The following CCSER1 variants were observed in gnomAD, a reference collection of about 807,000 sequenced individuals.
CCSER1 encodes serine-rich coiled-coil domain-containing protein 1.
In CCSER1, 41 loss-of-function variants were observed where a neutral mutation model predicts 82.0. The ratio of observed to expected loss-of-function variants is 0.50; its 90% CI spans 0.39 to 0.65. The LOEUF is 0.65. Ranked by LOEUF, CCSER1 falls within the 30% of genes least tolerant of loss-of-function variation. The probability of loss-of-function intolerance (pLI) is 0.00; values close to 1 mark genes in which losing one functional copy is unlikely to be tolerated. For synonymous variants in CCSER1, 414 were observed against 383.9 expected, an observed-to-expected ratio of 1.08 and a Z score of -0.92; for missense variants, 1,119 against 1,064.2, an observed-to-expected ratio of 1.05 and a Z score of -0.72.
intron 6 of CCSER1, among the ~76,000 whole-genome samples, chr4:90,630,789 C>T (rs1045957945): frequency 1.3e-5 from 2 of 151,186 alleles, no homozygotes; most frequent in African/African-American, 2.4e-5. Context: ...TTTAGATTAA[C>T]AATATATTTT....
At chr4:90,995,899 G>T (rs994897077) in intron 9 of CCSER1, among the ~76,000 whole-genome samples, 63 of 151,964 alleles carry the variant, frequency 4.1e-4, no homozygotes, top group African/African-American at 1.5e-3. Flanking sequence ...ATGATAATTT[G>T]ATTTAACTAT....
intron 3 of CCSER1, among the ~76,000 whole-genome samples, chr4:90,369,122 C>G (rs1048468404): frequency 4.0e-5 from 6 of 151,216 alleles, no homozygotes; most frequent in African/African-American, 1.5e-4. Flanking sequence ...AGTAAAACCA[C>G]TGGTCTGGCT....
At chr4:90,863,084 C>T (rs946482022) in intron 8 of CCSER1, among the ~76,000 whole-genome samples, 2 of 151,040 alleles carry the variant, frequency 1.3e-5, no homozygotes, top group African/African-American at 2.4e-5. Context: ...TGCTATCCCT[C>T]CCCGCTCCCC....
chr4:90,599,050 G>A (rs1009840866), intron 5 of CCSER1, among the ~76,000 whole-genome samples: 1 of 152,164 alleles, frequency 6.6e-6, no homozygotes, highest in African/African-American at 2.4e-5. Flanking sequence ...AGGGCACAAT[G>A]TGGGCTCCTT....
intron 10 of CCSER1, among the ~76,000 whole-genome samples, chr4:91,451,483 T>C (rs1755866091): frequency 6.6e-6 from 1 of 151,874 alleles, no homozygotes; most frequent in African/African-American, 2.4e-5. Flanking sequence ...CACACTTCAA[T>C]AAAAAATTGT....
intron 10 of CCSER1, among the ~76,000 whole-genome samples, chr4:91,210,846 A>G (rs569535152): frequency 2.1e-4 from 32 of 152,020 alleles, no homozygotes; most frequent in Middle Eastern, 3.4e-3. Flanking sequence ...TCACATAAGA[A>G]GTTGTTAATA....
At chr4:91,001,890 C>G (rs187544131) in intron 9 of CCSER1, among the ~76,000 whole-genome samples, 1 of 151,980 alleles carries the variant, frequency 6.6e-6, no homozygotes, top group African/African-American at 2.4e-5. Context: ...TGTTTTGATG[C>G]GTCTCCAGGA....
At chr4:90,878,971 C>T (rs376373888) in intron 8 of CCSER1, among the ~76,000 whole-genome samples, 1 of 152,148 alleles carries the variant, frequency 6.6e-6, no homozygotes, top group Admixed American at 6.6e-5. Context: ...TCATTTCCTT[C>T]TTAACATAAC....
At chr4:90,641,641 C>T (rs1726538579) in intron 6 of CCSER1, among the ~76,000 whole-genome samples, 1 of 152,204 alleles carries the variant, frequency 6.6e-6, no homozygotes, top group Admixed American at 6.5e-5. Flanking sequence ...TACTCCTATG[C>T]TGTCAATGTA....
At chr4:90,839,950 A>G (rs567424358) in intron 8 of CCSER1, among the ~76,000 whole-genome samples, 1 of 152,196 alleles carries the variant, frequency 6.6e-6, no homozygotes, top group South Asian at 2.1e-4. Flanking sequence ...AAGTTAGTAG[A>G]TGGGATTGAA....
intron 5 of CCSER1, among the ~76,000 whole-genome samples, chr4:90,473,887 A>G (rs536391361): frequency 4.4e-4 from 67 of 152,332 alleles, no homozygotes; most frequent in Middle Eastern, 3.4e-3. Context: ...TTTATCAAAA[A>G]TAGGTAATTC....
At chr4:91,579,003 A>T (rs1269291331) in intron 10 of CCSER1, among the ~76,000 whole-genome samples, 1 of 151,840 alleles carries the variant, frequency 6.6e-6, no homozygotes, top group Non-Finnish European at 1.5e-5. Context: ...AGTTATGAAG[A>T]TATGGCTAAA....
chr4:91,501,004 T>C (rs1365646509), intron 10 of CCSER1, among the ~76,000 whole-genome samples: 2 of 151,920 alleles, frequency 1.3e-5, no homozygotes, highest in Non-Finnish European at 2.9e-5. Flanking sequence ...GGACTATCAG[T>C]TTCTGATAAT....
At chr4:91,536,296 T>C (rs1384257648) in intron 10 of CCSER1, among the ~76,000 whole-genome samples, 1 of 152,124 alleles carries the variant, frequency 6.6e-6, no homozygotes, top group Non-Finnish European at 1.5e-5. Context: ...AATTTTGGAA[T>C]GGGTATACAT....
chr4:90,165,157 A>G (rs1730222745), intron 1 of CCSER1, among the ~76,000 whole-genome samples: 1 of 152,046 alleles, frequency 6.6e-6, no homozygotes, highest in Non-Finnish European at 1.5e-5. Context: ...TCATTAGTTG[A>G]TAGAAGCTTC....
At chr4:91,058,300 C>T (rs1216000244) in intron 9 of CCSER1, among the ~76,000 whole-genome samples, 1 of 151,938 alleles carries the variant, frequency 6.6e-6, no homozygotes, top group African/African-American at 2.4e-5. Flanking sequence ...CCATGGAATA[C>T]TATGCAGCTT....
chr4:90,985,277 ATTC>A (rs1736487888), intron 9 of CCSER1, among the ~76,000 whole-genome samples: 3 of 150,944 alleles, frequency 2.0e-5, no homozygotes, highest in African/African-American at 7.3e-5. Flanking sequence ...GCCTCTTTTT[ATTC>A]TTCTTTCTTA....
Position 90,479,339 on chromosome 4 carries a change from CTTAGTGTCA to C in CCSER1, c.1724+10998_1724+11006del, listed in dbSNP as rs577521217. The stretch of plus-strand genomic sequence containing the variant: ...AACTTTTTTTCATGCTTCTGTTCTA[CTTAGTGTCA>C]TTAGTGTCATTATTCATTTTACTAG... On this transcript the variant is annotated intron_variant, in intron 5 of 10. Coordinates refer to ENST00000509176, the MANE Select transcript of CCSER1 (RefSeq NM_001145065.2). 2.2e-3 allele frequency among the ~76,000 whole-genome samples: 337 copies of C among 152,134 alleles called. 1 individual carries two copies. The highest frequency in any genetic ancestry group is 7.8e-3 in the African/African-American group (322 of 41,498).
At chr4:90,545,217 G>A (rs1776613692) in intron 5 of CCSER1, among the ~76,000 whole-genome samples, 1 of 152,040 alleles carries the variant, frequency 6.6e-6, no homozygotes, top group Non-Finnish European at 1.5e-5. Context: ...GAAGTCTTTC[G>A]ACATTGGGAA....
Sources: allele counts gnomAD v4.1 joint callset (sites outside exome capture counted in the v4.1 genomes callset), GRCh38; gene constraint gnomAD v4.1.1; transcripts MANE v1.5; gene names NCBI Gene and HGNC (gene_info 2026-07-23, HGNC 2026-07-21).